NLRC5: variants seen among roughly 807,000 people sequenced by gnomAD.
NLRC5 encodes the protein protein NLRC5.
In NLRC5, 114 loss-of-function variants were observed where a neutral mutation model predicts 206.9. The ratio of observed to expected loss-of-function variants is 0.55; its 90% CI spans 0.47 to 0.64. NLRC5 has a LOEUF of 0.64. NLRC5 is among the 30% of genes least tolerant of loss of function. NLRC5 has a pLI of 0.00. For synonymous variants in NLRC5, 952 were observed against 962.8 expected, an observed-to-expected ratio of 0.99 and a Z score of 0.21; for missense variants, 2,008 against 2,305.5, an observed-to-expected ratio of 0.87 and a Z score of 2.64.
intron 1 of NLRC5, among the ~76,000 whole-genome samples, chr16:57,001,024 C>G (rs2058177962): frequency 6.6e-6 from 1 of 152,234 alleles, no homozygotes; most frequent in Admixed American, 6.5e-5. Context: ...TCTTTCTGCT[C>G]TGCCACCCTG....
chr16:57,065,226 G>A lies in NLRC5; in HGVS notation c.4169G>A (p.Trp1390Ter). ...TTCTGTGACAGGGTGCAGGAGCCGT[G>A]GGCGGACAGAGCCAGGGTTCTCTCC... ...GLFSLRVQEP[W>*]ADRARVLSLL... is the part of the protein sequence containing the mutation. Residue 1390 changes from tryptophan to a stop codon, truncating the protein, a stop_gained, in exon 33 of 49, where the codon TGG becomes TAG. Transcript: ENST00000688547. LOFTEE classifies it high-confidence loss of function. The A allele has an allele frequency of 6.4e-7, 1 of 1,562,910 alleles. No homozygotes were observed. The highest frequency in any genetic ancestry group is 8.7e-7 in the Non-Finnish European group (1 of 1,149,788).
intron 34 of NLRC5, 21 bp from the exon 35 acceptor site, chr16:57,067,366 C>T (rs1346082974): frequency 3.7e-6 from 6 of 1,608,438 alleles, no homozygotes; most frequent in Non-Finnish European, 4.3e-6. Flanking sequence ...CCAAAACTGT[C>T]GTCTCCCTGT....
chr16:57,058,839 C>G (rs1567619035), intron 28 of NLRC5, 133 bp from the exon 29 acceptor site: 2 of 788,616 alleles, frequency 2.5e-6, no homozygotes. Context: ...GTGTGTCCAT[C>G]TGGAGAATAG....
At chr16:57,042,087 G>T in intron 19 of NLRC5, 22 bp downstream of exon 19, 1 of 1,463,216 alleles carries the variant, frequency 6.8e-7, no homozygotes. Context: ...GCTAGGCAGA[G>T]CCTCTGAGGC....
intron 36 of NLRC5, 133 bp from the exon 37 acceptor site, chr16:57,069,703 C>T (rs532992260): frequency 1.7e-5 from 12 of 706,038 alleles, no homozygotes; most frequent in East Asian, 5.4e-5. Flanking sequence ...AAGAGATTTA[C>T]GAAGGGAAGG....
rs771686135 is a variant in NLRC5 at position 57,069,860 on chromosome 16, C to A, written c.4524C>A (p.Thr1508=). 3 of 1,603,368 alleles carry A rather than the reference C, an allele frequency of 1.9e-6. No homozygotes were observed. Among genetic ancestry groups the A allele is most frequent in the South Asian group, 1.1e-5 (1 of 89,064 alleles). ...TFRLTSSCVS[T]EGLAHLASGL... is the part of the protein sequence containing the mutation. The stretch of plus-strand genomic sequence containing the variant: ...GGCTGACCTCCAGCTGTGTGAGCAC[C>A]GAGGGCCTCGCCCACCTGGCATCTG... The change falls in exon 37 of 49, where the codon ACC becomes ACA. Residue 1508 remains threonine, a synonymous_variant. Transcript: ENST00000688547.
chr16:57,050,983 G>C (rs1290309243), intron 23 of NLRC5, among the ~76,000 whole-genome samples: 2 of 152,090 alleles, frequency 1.3e-5, no homozygotes, highest in African/African-American at 4.8e-5. Context: ...CTCCTGAGTA[G>C]CTATTACTAC....
At chr16:57,060,316 CTGA>C (rs2066281241) in intron 30 of NLRC5, among the ~76,000 whole-genome samples, 1 of 151,870 alleles carries the variant, frequency 6.6e-6, no homozygotes, top group East Asian at 1.9e-4. Flanking sequence ...CCCTCACAGT[CTGA>C]TCCAACTGTC....
intron 32 of NLRC5, among the ~76,000 whole-genome samples, chr16:57,063,412 A>C (rs2066757464): frequency 6.6e-6 from 1 of 152,070 alleles, no homozygotes; most frequent in Non-Finnish European, 1.5e-5. Context: ...CACCACACCC[A>C]GCCCTTTCCT....
At chr16:57,024,572 T>A (rs2142994982) in intron 5 of NLRC5, among the ~76,000 whole-genome samples, 1 of 152,334 alleles carries the variant, frequency 6.6e-6, no homozygotes, top group Middle Eastern at 3.4e-3. Context: ...CATCTGGCAC[T>A]GTAGGGGCCC....
intron 39 of NLRC5, 31 bp from the exon 40 acceptor site, chr16:57,076,788 A>G: frequency 6.2e-7 from 1 of 1,607,718 alleles, no homozygotes. Flanking sequence ...AAGCTCCTGA[A>G]AGCCTCTTGG....
chr16:57,034,410 C>T, intron 13 of NLRC5, 159 bp downstream of exon 13: 1 of 626,512 alleles, frequency 1.6e-6, no homozygotes, highest in Non-Finnish European at 2.9e-6. Context: ...CTATTCAGCA[C>T]TTGTCCCGGG....
intron 4 of NLRC5, 41 bp downstream of exon 4, chr16:57,022,356 A>G: frequency 6.4e-7 from 1 of 1,562,294 alleles, no homozygotes; most frequent in Non-Finnish European, 8.8e-7. Flanking sequence ...GGTGGTGAGC[A>G]CTGTGAAGTC....
rs189092575 is a variant in NLRC5 at position 57,077,120 on chromosome 16, G to A, written c.4836-176G>A. 7.2e-4 allele frequency among the ~76,000 whole-genome samples: 109 copies of A among 152,366 alleles called. 1 individual carries two copies. The highest frequency in any genetic ancestry group is 4.0e-3 in the Admixed American group (62 of 15,310). On this transcript the variant is annotated intron_variant, in intron 40 of 48. Transcript: ENST00000688547. Reference sequence around the variant, plus strand: ...AGAGGGATTTAGGTCAGACAATGGGGAGAACATCCTAAACAGAAGCCAAGG... The same window carrying A: ...AGAGGGATTTAGGTCAGACAATGGGAAGAACATCCTAAACAGAAGCCAAGG...
Position 57,047,542 on chromosome 16 carries a change from C to A in NLRC5, c.3339-3C>A, listed in dbSNP as rs191379199. 4.1e-4 allele frequency: 657 copies of A among 1,610,928 alleles called. 5 individuals carry two copies. In the African/African-American group the frequency reaches 7.9e-3, roughly 19 times the overall value. ...CCCTGCCCTGCCCATTGCCCCTTTG[C>A]AGCCTCAGTGAGTGTCCTCTGGAGC... On this transcript the variant is annotated splice_region_variant and splice_polypyrimidine_tract_variant and intron_variant, in intron 22 of 48. Coordinates refer to ENST00000688547, the MANE Select transcript of NLRC5 (RefSeq NM_001384950.1).
rs139000309 is a variant in NLRC5 at position 57,034,177 on chromosome 16, G to A, written c.2553G>A (p.Lys851=). 6.2e-7 allele frequency: 1 copy of A among 1,613,952 alleles called. No individual in the cohort carries two copies. Among genetic ancestry groups the A allele is most frequent in the Non-Finnish European group, 8.5e-7 (1 of 1,179,976 alleles). ...QSRSLTLRLQ[K]CQLQVHDAEA... ...CCCACTCCTACCCAAGGCTGCAGAAGTGTCAGCTCCAGGTCCACGATGCGG... is the reference window on the plus strand; with the variant it reads ...CCCACTCCTACCCAAGGCTGCAGAAATGTCAGCTCCAGGTCCACGATGCGG... Residue 851 remains lysine (K), a synonymous_variant, in exon 13 of 49, where the codon AAG becomes AAA. Coordinates refer to ENST00000688547, the MANE Select transcript of NLRC5 (RefSeq NM_001384950.1).
At chr16:57,022,427 T>C in intron 4 of NLRC5, 112 bp downstream of exon 4, 3 of 916,884 alleles carry the variant, frequency 3.3e-6, no homozygotes, top group East Asian at 5.3e-5. Context: ...CCATTTCTCA[T>C]AGGCCATGCT....
At chr16:56,996,916 CTGGAG>C (rs1466720850) in intron 1 of NLRC5, among the ~76,000 whole-genome samples, 1 of 152,182 alleles carries the variant, frequency 6.6e-6, no homozygotes, top group Non-Finnish European at 1.5e-5. Context: ...GTTGCCCACA[CTGGAG>C]TGCAGTAGTG....
rs547015642 is a variant in NLRC5 at position 57,042,077 on chromosome 16, G to A, written c.3113+12G>A. Reference sequence around the variant, plus strand: ...CTGCAGTCCTTGAAGTGAGTAGCCCGCTAGGCAGAGCCTCTGAGGCTGGGG... The same window carrying A: ...CTGCAGTCCTTGAAGTGAGTAGCCCACTAGGCAGAGCCTCTGAGGCTGGGG... On this transcript the variant is annotated intron_variant, in intron 19 of 48. Transcript: ENST00000688547. 2.1e-5 allele frequency: 32 copies of A among 1,496,564 alleles called. No homozygotes were observed. In the East Asian group the frequency reaches 3.8e-4, roughly 18 times the overall value. The allele number at this position is 1,496,564 out of a possible 1,614,324, so 92.7% of individuals were successfully genotyped here.
Sources: gnomAD v4.1 joint callset for allele counts (sites outside exome capture counted in the v4.1 genomes callset) on GRCh38, gnomAD v4.1.1 for gene constraint, MANE v1.5 for transcripts, NCBI Gene and HGNC (gene_info 2026-07-23, HGNC 2026-07-21) for gene names.